AGBL4: variants seen among roughly 807,000 people sequenced by gnomAD.
AGBL4 encodes the protein AGBL carboxypeptidase 4, also known as cytosolic carboxypeptidase 6.
A neutral mutation model predicts 66.4 loss-of-function variants in AGBL4; 58 were observed. The ratio of observed to expected loss-of-function variants is 0.87; its 90% CI spans 0.71 to 1.09. The LOEUF (loss-of-function observed/expected upper bound fraction) is 1.09. Ranked by LOEUF, AGBL4 falls within the 50% of genes least tolerant of loss-of-function variation. AGBL4 has a pLI of 0.00. For missense variants in AGBL4, 579 were observed against 631.0 expected (o/e 0.92, Z 0.88); for synonymous variants, 234 against 222.9 (o/e 1.05, Z -0.44).
At chr1:49,886,241 T>C (rs1253284497) in intron 1 of AGBL4, among the ~76,000 whole-genome samples, 2 of 152,208 alleles carry the variant, frequency 1.3e-5, no homozygotes, top group African/African-American at 4.8e-5. Flanking sequence ...ATATTCTTTG[T>C]ATACTTTTAA....
intron 3 of AGBL4, 121 bp from the exon 4 acceptor site, chr1:49,245,985 T>G (rs1052684177): frequency 1.5e-6 from 1 of 684,270 alleles, no homozygotes; most frequent in African/African-American, 1.8e-5. Context: ...GGCAACTGTA[T>G]AGTGAGAGTA....
intron 5 of AGBL4, among the ~76,000 whole-genome samples, chr1:49,030,276 G>T (rs1422472772): frequency 6.6e-6 from 1 of 152,160 alleles, no homozygotes; most frequent in African/African-American, 2.4e-5. Flanking sequence ...ACACACTAGA[G>T]ACCACGATTT....
At chr1:49,436,266 T>C (rs939238637) in intron 3 of AGBL4, among the ~76,000 whole-genome samples, 3 of 152,162 alleles carry the variant, frequency 2.0e-5, no homozygotes, top group African/African-American at 7.2e-5. Context: ...ACAGTGAGTG[T>C]TTCCTCAGAA....
At chr1:49,545,132 A>G (rs1203279476) in intron 3 of AGBL4, among the ~76,000 whole-genome samples, 1 of 152,194 alleles carries the variant, frequency 6.6e-6, no homozygotes, top group African/African-American at 2.4e-5. Flanking sequence ...AGGTATGAAA[A>G]AAGTGATGAG....
At chr1:49,125,836 C>T (rs1160833593) in intron 4 of AGBL4, among the ~76,000 whole-genome samples, 2 of 152,112 alleles carry the variant, frequency 1.3e-5, no homozygotes, top group Non-Finnish European at 2.9e-5. Flanking sequence ...CTGTCTTTTC[C>T]ACCACAACAA....
At chr1:49,247,195 G>A (rs1190833515) in intron 3 of AGBL4, among the ~76,000 whole-genome samples, 2 of 151,804 alleles carry the variant, frequency 1.3e-5, no homozygotes, top group Non-Finnish European at 2.9e-5. Context: ...ATTTTCCAAG[G>A]GCAAAAAATA....
chr1:49,017,322 T>C (rs536008971), intron 5 of AGBL4, among the ~76,000 whole-genome samples: 3 of 152,306 alleles, frequency 2.0e-5, no homozygotes, highest in South Asian at 4.1e-4. Flanking sequence ...TTTGAGTTTC[T>C]TGAATGACTT....
chr1:49,728,626 A>T (rs1649202720), intron 2 of AGBL4, among the ~76,000 whole-genome samples: 3 of 152,168 alleles, frequency 2.0e-5, no homozygotes. Flanking sequence ...TTGGTGAGGT[A>T]AACAGGAATA....
chr1:48,775,487 C>A (rs954435751), intron 6 of AGBL4, among the ~76,000 whole-genome samples: 1 of 152,120 alleles, frequency 6.6e-6, no homozygotes, highest in Non-Finnish European at 1.5e-5. Context: ...AGTCACTAAC[C>A]CTTCGTGTTC....
At chr1:49,937,136 T>C (rs1654151682) in intron 1 of AGBL4, among the ~76,000 whole-genome samples, 1 of 151,826 alleles carries the variant, frequency 6.6e-6, no homozygotes, top group Admixed American at 6.6e-5. Flanking sequence ...AATAAAAGGA[T>C]GGAGGAAGAT....
chr1:48,679,911 G>T (rs536260231), intron 6 of AGBL4, among the ~76,000 whole-genome samples: 44 of 152,360 alleles, frequency 2.9e-4, no homozygotes, highest in African/African-American at 1.1e-3. Context: ...ACGGTGCTTA[G>T]TAACTGCTGT....
At chr1:49,240,727 G>A (rs1015675538) in intron 4 of AGBL4, among the ~76,000 whole-genome samples, 3 of 151,648 alleles carry the variant, frequency 2.0e-5, no homozygotes, top group African/African-American at 7.3e-5. Flanking sequence ...GTTATCACCT[G>A]TAGACTGATG....
At chr1:48,592,644 C>T (rs1644935931) in intron 9 of AGBL4, among the ~76,000 whole-genome samples, 1 of 152,034 alleles carries the variant, frequency 6.6e-6, no homozygotes, top group Non-Finnish European at 1.5e-5. Context: ...ATGAGCTGCA[C>T]AGGAAAGGAG....
chr1:49,095,633 C>T (rs1164633564), intron 4 of AGBL4, among the ~76,000 whole-genome samples: 1 of 151,866 alleles, frequency 6.6e-6, no homozygotes, highest in African/African-American at 2.4e-5. Context: ...ACTGGCTAGC[C>T]ATATGTAGAA....
At chr1:48,565,301 A>G (rs1644459507) in intron 11 of AGBL4, among the ~76,000 whole-genome samples, 1 of 152,086 alleles carries the variant, frequency 6.6e-6, no homozygotes, top group Non-Finnish European at 1.5e-5. Context: ...CGAGGGCCCT[A>G]TTAGCAGTAA....
chr1:49,928,429 T>G (rs1364340045), intron 1 of AGBL4, among the ~76,000 whole-genome samples: 1 of 151,894 alleles, frequency 6.6e-6, no homozygotes, highest in Non-Finnish European at 1.5e-5. Flanking sequence ...TTTTGTATTT[T>G]TAGTATAGAT....
At chr1:49,208,890 A>C (rs1648455618) in intron 4 of AGBL4, among the ~76,000 whole-genome samples, 1 of 151,990 alleles carries the variant, frequency 6.6e-6, no homozygotes, top group African/African-American at 2.4e-5. Flanking sequence ...CATATACGCA[A>C]ACACACACAC....
At chr1:48,789,389 T>C (rs558854919) in intron 6 of AGBL4, among the ~76,000 whole-genome samples, 46 of 151,910 alleles carry the variant, frequency 3.0e-4, no homozygotes, top group Admixed American at 7.9e-4. Context: ...CCTGGGTTCA[T>C]GCCATTCTCC....
At chr1:49,141,806 C>A (rs1012200657) in intron 4 of AGBL4, among the ~76,000 whole-genome samples, 1 of 152,106 alleles carries the variant, frequency 6.6e-6, no homozygotes, top group Non-Finnish European at 1.5e-5. Context: ...GAATGTAACA[C>A]GATGACTATG....
Sources: gnomAD v4.1 joint callset for allele counts (sites outside exome capture counted in the v4.1 genomes callset) on GRCh38, gnomAD v4.1.1 for gene constraint, MANE v1.5 for transcripts, NCBI Gene and HGNC (gene_info 2026-07-23, HGNC 2026-07-21) for gene names.